SCIN: variants seen among roughly 807,000 people sequenced by gnomAD.
SCIN encodes the protein adseverin.
In SCIN, 91 loss-of-function variants were observed where a neutral mutation model predicts 91.8. The ratio of observed to expected loss-of-function variants is 0.99; its 90% CI spans 0.84 to 1.18. The LOEUF is 1.18. Among genes scored for constraint, SCIN ranks in the 50% most tolerant of loss-of-function variants. SCIN has a pLI of 0.00. For synonymous variants in SCIN, 367 were observed against 312.6 expected (o/e 1.17, Z -1.84); for missense variants, 1,087 against 863.9 (o/e 1.26, Z -3.24).
intron 1 of SCIN, chr7:12,571,187 T>C (rs2115194427): frequency 6.7e-6 from 4 of 599,178 alleles, no homozygotes; most frequent in South Asian, 6.6e-5. Context: ...GGCTCAGGCG[T>C]TGTCCGCAAT....
intron 14 of SCIN, 41 bp downstream of exon 14, chr7:12,649,585 G>A: frequency 7.2e-7 from 1 of 1,388,180 alleles, no homozygotes; most frequent in Non-Finnish European, 1.0e-6. Flanking sequence ...ATGCATTTTT[G>A]GTTGGGAGAT....
intron 13 of SCIN, among the ~76,000 whole-genome samples, chr7:12,648,243 A>G (rs1296688588): frequency 6.6e-6 from 1 of 151,966 alleles, no homozygotes; most frequent in Non-Finnish European, 1.5e-5. Context: ...ATCTTATTGA[A>G]ATTTTTTGAT....
intron 13 of SCIN, among the ~76,000 whole-genome samples, chr7:12,645,220 G>A (rs563836117): frequency 6.6e-6 from 1 of 151,860 alleles, no homozygotes; most frequent in Admixed American, 6.6e-5. Flanking sequence ...TTGGGAGGCT[G>A]AGACAGGAGA....
chr7:12,583,695 G>T (rs961027343), intron 3 of SCIN, among the ~76,000 whole-genome samples: 2 of 152,120 alleles, frequency 1.3e-5, no homozygotes, highest in African/African-American at 4.8e-5. Flanking sequence ...GGGCCAGGTA[G>T]TTGGGTGTGG....
At chr7:12,586,203 C>G (rs7805093) in intron 3 of SCIN, among the ~76,000 whole-genome samples, 141,957 of 152,286 alleles carry the variant, frequency 0.93, 66,215 homozygotes, top group East Asian at 1. Context: ...CACATGTCTA[C>G]AGTGTTTTTT....
rs1783439640 is a variant in SCIN, at chr7:12,622,909, C to G, written c.759+16C>G. The G allele has an allele frequency of 6.3e-7, 1 of 1,580,120 alleles. No homozygotes were observed. Among genetic ancestry groups the G allele is most frequent in the African/African-American group, 1.4e-5 (1 of 73,966 alleles). On this transcript the variant is annotated intron_variant, in intron 5 of 15. Coordinates refer to ENST00000297029, the MANE Select transcript of SCIN (RefSeq NM_001112706.3). ...ACTATACATGGTGAGTTCACTGTAACCAAATTTATTGTTTCAACAGTACTG... is the reference window on the plus strand; with the variant it reads ...ACTATACATGGTGAGTTCACTGTAAGCAAATTTATTGTTTCAACAGTACTG...
chr7:12,657,572 A>ATTTTTTTTT lies in SCIN; in HGVS notation c.*4875_*4883dup, dbSNP rs71030521. ...TATATATATATATATATATATATAT[A>ATTTTTTTTT]TTTTTTTTTTTTTTTTTTTTTTTTT... On this transcript the variant is annotated 3_prime_UTR_variant, in exon 16 of 16. Transcript: ENST00000297029. 6 of 22,086 alleles carry ATTTTTTTTT rather than the reference A, an allele frequency of 2.7e-4. No homozygotes were observed. Among genetic ancestry groups the ATTTTTTTTT allele is most frequent in the Non-Finnish European group, 5.2e-4 (4 of 7,718 alleles). 1.4% of individuals were successfully genotyped at this position (22,086 alleles called of 1,614,324 possible). A position where few individuals can be genotyped will look rare whatever the true frequency, so the allele number is the denominator to read the frequency against.
chr7:12,624,098 T>C (rs1783463868), intron 5 of SCIN, among the ~76,000 whole-genome samples: 1 of 152,200 alleles, frequency 6.6e-6, no homozygotes, highest in African/African-American at 2.4e-5. Context: ...AGTGGAGCTA[T>C]GCTGTATTAC....
chr7:12,581,294 C>T, intron 3 of SCIN, 73 bp downstream of exon 3: 1 of 1,418,464 alleles, frequency 7.0e-7, no homozygotes, highest in Non-Finnish European at 9.6e-7. Flanking sequence ...ATGTACATGT[C>T]ATTGAAAAGA....
chr7:12,575,179 C>T (rs1377076233), intron 1 of SCIN, among the ~76,000 whole-genome samples: 1 of 150,652 alleles, frequency 6.6e-6, no homozygotes, highest in African/African-American at 2.4e-5. Context: ...TTTTGTATTA[C>T]TGATGAATCT....
chr7:12,593,929 G>T (rs749584435), intron 3 of SCIN, among the ~76,000 whole-genome samples: 1 of 152,220 alleles, frequency 6.6e-6, no homozygotes. Flanking sequence ...CATGCCAAGT[G>T]AGTTCATAAG....
In SCIN at chr7:12,656,919, C is replaced by T. The variant is rs748725387; in HGVS notation, c.*4204C>T. 6.7e-6 allele frequency: 1 copy of T among 149,474 alleles called. No individual in the cohort carries two copies. The highest frequency in any genetic ancestry group is 1.5e-5 in the Non-Finnish European group (1 of 67,622). The allele number at this position is 149,474 out of a possible 1,614,324, so 9.3% of individuals were successfully genotyped here. On this transcript the variant is annotated 3_prime_UTR_variant, in exon 16 of 16. Coordinates refer to ENST00000297029, the MANE Select transcript of SCIN (RefSeq NM_001112706.3). ...TGCGTGACGATGAGAGTCTCCGTCTCGGGGGAAGAAAAAAAAAACCTGTAA... is the reference window on the plus strand; with the variant it reads ...TGCGTGACGATGAGAGTCTCCGTCTTGGGGGAAGAAAAAAAAAACCTGTAA...
At chr7:12,629,247 C>G (rs190811952) in intron 9 of SCIN, 25 bp downstream of exon 9, 2 of 1,583,326 alleles carry the variant, frequency 1.3e-6, no homozygotes, top group South Asian at 2.4e-5. Context: ...GTAAAGATCT[C>G]GAGTTCCACA....
At chr7:12,594,081 G>A (rs372902644) in intron 3 of SCIN, among the ~76,000 whole-genome samples, 5 of 152,180 alleles carry the variant, frequency 3.3e-5, no homozygotes, top group African/African-American at 7.2e-5. Context: ...GCTACTTCCC[G>A]GAGAGGAAGC....
chr7:12,629,888 G>A (rs1226586009), intron 9 of SCIN, among the ~76,000 whole-genome samples: 1 of 152,062 alleles, frequency 6.6e-6, no homozygotes, highest in Non-Finnish European at 1.5e-5. Context: ...ATTATATAAT[G>A]TGAAATTCTC....
At chr7:12,642,180 T>C (rs947463849) in intron 11 of SCIN, among the ~76,000 whole-genome samples, 1 of 152,026 alleles carries the variant, frequency 6.6e-6, no homozygotes, top group Non-Finnish European at 1.5e-5. Context: ...CTATTGCTCC[T>C]ATCTAAGGCC....
chr7:12,637,856 T>TAG (rs5882369), intron 10 of SCIN, among the ~76,000 whole-genome samples: 22,802 of 79,552 alleles, frequency 0.29, 2,494 homozygotes, highest in Admixed American at 0.49. Context: ...TATCTCTATC[T>TAG]AGAGACAGAT....
Position 12,574,422 on chromosome 7 carries a change from G to A in SCIN, c.199+3437G>A, listed in dbSNP as rs2215062. 8.7e-3 allele frequency among the ~76,000 whole-genome samples: 1,327 copies of A among 152,170 alleles called. 17 individuals carry two copies. The highest frequency in any genetic ancestry group is 0.031 in the African/African-American group (1,290 of 41,516). ...CAGGAGAAGAGTGTATTATAAAAGG[G>A]CAACTTGAAGGATGTTTTTGGTGGA... is the stretch of plus-strand genomic sequence containing the variant. On this transcript the variant is annotated intron_variant, in intron 1 of 15. Coordinates refer to ENST00000297029, the MANE Select transcript of SCIN (RefSeq NM_001112706.3).
intron 13 of SCIN, 117 bp downstream of exon 13, chr7:12,644,822 C>CCTGA: frequency 3.3e-6 from 3 of 922,634 alleles, no homozygotes; most frequent in Middle Eastern, 2.6e-4. Context: ...TCGAGACCAG[C>CCTGA]CTGACCAACA....
Sources: allele counts gnomAD v4.1 joint callset (sites outside exome capture counted in the v4.1 genomes callset), GRCh38; gene constraint gnomAD v4.1.1; transcripts MANE v1.5; gene names NCBI Gene and HGNC (gene_info 2026-07-23, HGNC 2026-07-21).